Variants in CCSER2 observed in about 807,000 individuals in gnomAD.
CCSER2 encodes the protein coiled-coil serine rich protein 2, also known as serine-rich coiled-coil domain-containing protein 2.
Under a neutral mutation model 92.3 loss-of-function variants are expected in CCSER2, and 46 were observed. That is an observed-to-expected ratio of 0.50 (90% CI 0.39 to 0.64). CCSER2 has a LOEUF of 0.64. Ranked by LOEUF, CCSER2 falls within the 30% of genes least tolerant of loss-of-function variation. The probability of loss-of-function intolerance (pLI) is 0.00; values close to 1 mark genes in which losing one functional copy is unlikely to be tolerated. For missense variants in CCSER2, 1,244 were observed against 1,238.9 expected (o/e 1.00, Z -0.06); for synonymous variants, 433 against 431.4 (o/e 1.00, Z -0.04).
At chr10:84,455,970 A>G in intron 6 of CCSER2, 1 of 626,344 alleles carries the variant, frequency 1.6e-6, no homozygotes. Context: ...TTCACCTGTA[A>G]GGGCATCACG....
At chr10:84,451,746 CT>C (rs774469978) in intron 6 of CCSER2, among the ~76,000 whole-genome samples, 56 of 152,192 alleles carry the variant, frequency 3.7e-4, no homozygotes, top group South Asian at 8.3e-4. Context: ...TATAAAGGTT[CT>C]ATTTATATAT....
rs569571709 is a variant in CCSER2, at chr10:84,444,951, CTG to C, written c.2064+6245_2064+6246del. ...CATTTTAATGGTCAGAAAACTAAGA[CTG>C]AAATTTAATTGTGCTTTGCAAGATC... On this transcript the variant is annotated intron_variant, in intron 6 of 9. Transcript: ENST00000372088. 2.4e-3 allele frequency among the ~76,000 whole-genome samples: 361 copies of C among 152,220 alleles called. 1 individual carries two copies. Among genetic ancestry groups the C allele is most frequent in the African/African-American group, 8.3e-3 (345 of 41,534 alleles).
At chr10:84,360,906 C>T (rs1407000747) in intron 1 of CCSER2, among the ~76,000 whole-genome samples, 17 of 152,222 alleles carry the variant, frequency 1.1e-4, no homozygotes, top group Admixed American at 1.1e-3. Flanking sequence ...CTTGACCTTA[C>T]TCTCACATAA....
At chr10:84,409,773 G>C (rs572757603) in intron 3 of CCSER2, among the ~76,000 whole-genome samples, 14 of 152,264 alleles carry the variant, frequency 9.2e-5, no homozygotes, top group African/African-American at 3.4e-4. Context: ...TTTTATTTAA[G>C]TTTATGGGTA....
intron 6 of CCSER2, chr10:84,456,007 G>A: frequency 3.7e-6 from 2 of 539,552 alleles, no homozygotes; most frequent in Non-Finnish European, 7.2e-6. Context: ...GCCTTCTCCA[G>A]CAACACCTTT....
At chr10:84,447,877 G>A (rs758774455) in intron 6 of CCSER2, among the ~76,000 whole-genome samples, 4 of 152,042 alleles carry the variant, frequency 2.6e-5, no homozygotes, top group Non-Finnish European at 4.4e-5. Flanking sequence ...TGCAGTGTCG[G>A]CTTACTGCAG....
At chr10:84,374,107 G>A in intron 3 of CCSER2, 1 of 575,188 alleles carries the variant, frequency 1.7e-6, no homozygotes, top group Non-Finnish European at 2.7e-6. Flanking sequence ...AAGACTGGGG[G>A]AGGAGGTCAA....
chr10:84,423,675 A>G (rs926587002), intron 4 of CCSER2, among the ~76,000 whole-genome samples: 2 of 152,206 alleles, frequency 1.3e-5, no homozygotes, highest in African/African-American at 4.8e-5. Flanking sequence ...TTGAGGAAAA[A>G]TATGAATTCA....
chr10:84,385,013 A>ACACACACACG lies in CCSER2; in HGVS notation c.1614+11207_1614+11208insGCACACACAC, dbSNP rs1841117030. Reference sequence around the variant, plus strand: ...AAATCAATTTACAATAAACACACACACACACACACACACACACACACCCAG... The same window carrying ACACACACACG: ...AAATCAATTTACAATAAACACACACACACACACACGCACACACACACACACACACACCCAG... On this transcript the variant is annotated intron_variant, in intron 3 of 9. Transcript: ENST00000372088. Among the ~76,000 whole-genome samples the ACACACACACG allele has an allele frequency of 2.0e-5, 3 of 151,550 alleles. No homozygotes were observed. The South Asian group carries it at 6.2e-4, about 31-fold the overall frequency.
At chr10:84,449,993 T>C (rs980068671) in intron 6 of CCSER2, among the ~76,000 whole-genome samples, 5 of 152,268 alleles carry the variant, frequency 3.3e-5, no homozygotes, top group African/African-American at 1.2e-4. Flanking sequence ...CTGATACATG[T>C]AATGCAGTTA....
At position 84,514,360 on chromosome 10, in the gene CCSER2, G is replaced by T; in HGVS notation, c.*93G>T. 1 of 889,300 alleles carries T rather than the reference G, an allele frequency of 1.1e-6. No homozygotes were observed. The highest frequency in any genetic ancestry group is 1.7e-6 in the Non-Finnish European group (1 of 602,614). 55.1% of individuals were successfully genotyped at this position (889,300 alleles called of 1,614,324 possible). A position where few individuals can be genotyped will look rare whatever the true frequency, so the allele number is the denominator to read the frequency against. ...CTTGCAGCTTGCTACTGTGGTGGAG[G>T]TTCCATTGAAAGCCTGCAAATCTTA... On this transcript the variant is annotated 3_prime_UTR_variant, in exon 10 of 10. Transcript: ENST00000372088.
intron 5 of CCSER2, among the ~76,000 whole-genome samples, chr10:84,436,119 GGAGATC>G: frequency 6.6e-6 from 1 of 151,890 alleles, no homozygotes; most frequent in Middle Eastern, 3.4e-3. Flanking sequence ...CACGAGGTCA[GGAGATC>G]GAGACCACCC....
intron 6 of CCSER2, chr10:84,455,975 A>T (rs751243344): frequency 4.1e-5 from 25 of 616,540 alleles, no homozygotes; most frequent in Non-Finnish European, 7.9e-5. Flanking sequence ...CTGTAAGGGC[A>T]TCACGTACTC....
At chr10:84,480,498 T>A (rs1231846749) in intron 9 of CCSER2, among the ~76,000 whole-genome samples, 1 of 152,150 alleles carries the variant, frequency 6.6e-6, no homozygotes, top group Non-Finnish European at 1.5e-5. Context: ...ATAGAAATAA[T>A]AAAATTCAAT....
chr10:84,506,242 T>C (rs1358271982), intron 9 of CCSER2, among the ~76,000 whole-genome samples: 1 of 152,174 alleles, frequency 6.6e-6, no homozygotes, highest in Non-Finnish European at 1.5e-5. Flanking sequence ...ATTATCAATC[T>C]GCTATCCTCT....
intron 3 of CCSER2, among the ~76,000 whole-genome samples, chr10:84,415,774 C>T (rs369652440): frequency 2.4e-4 from 37 of 152,338 alleles, no homozygotes; most frequent in Non-Finnish European, 2.8e-4. Flanking sequence ...GTTGACCAGA[C>T]GGCAGAGATG....
chr10:84,444,992 T>C (rs987484920), intron 6 of CCSER2, among the ~76,000 whole-genome samples: 3 of 152,220 alleles, frequency 2.0e-5, no homozygotes, highest in African/African-American at 4.8e-5. Flanking sequence ...CAGTTGCATA[T>C]TAATGTAGAG....
chr10:84,357,693 G>A (rs1489342456), intron 1 of CCSER2, among the ~76,000 whole-genome samples: 7 of 151,946 alleles, frequency 4.6e-5, no homozygotes, highest in South Asian at 2.1e-4. Flanking sequence ...CTCGTGATTC[G>A]CCCGCCTCAG....
chr10:84,406,746 GAA>G (rs1842397156), intron 3 of CCSER2, among the ~76,000 whole-genome samples: 1 of 152,200 alleles, frequency 6.6e-6, no homozygotes, highest in Non-Finnish European at 1.5e-5. Context: ...GCCAGTTAGA[GAA>G]AGAGGCTGCC....
Sources: gnomAD v4.1 joint callset for allele counts (sites outside exome capture counted in the v4.1 genomes callset) on GRCh38, gnomAD v4.1.1 for gene constraint, MANE v1.5 for transcripts, NCBI Gene and HGNC (gene_info 2026-07-23, HGNC 2026-07-21) for gene names.